The following MCPH1 variants were observed in gnomAD, a reference collection of about 807,000 sequenced individuals.
MCPH1 encodes microcephalin.
Under a neutral mutation model 84.5 loss-of-function variants are expected in MCPH1, and 104 were observed. The ratio of observed to expected loss-of-function variants is 1.23; its 90% CI spans 1.05 to 1.45. The LOEUF is 1.45. Among genes scored for constraint, MCPH1 ranks in the 40% most tolerant of loss-of-function variants. The pLI, the probability that MCPH1 is intolerant of heterozygous loss-of-function variation, is 0.00. For synonymous variants in MCPH1, 514 were observed against 366.8 expected (o/e 1.40, Z -4.58); for missense variants, 1,498 against 1,005.7 (o/e 1.49, Z -6.62).
intron 12 of MCPH1, among the ~76,000 whole-genome samples, chr8:6,619,979 G>A (rs373838548): frequency 7.2e-5 from 11 of 152,324 alleles, no homozygotes; most frequent in Admixed American, 4.6e-4. Context: ...GCTTGGCCCC[G>A]TGATGCTAGG....
chr8:6,629,447 G>A lies in MCPH1; in HGVS notation c.2452+7756G>A, dbSNP rs909461350. On this transcript the variant is annotated intron_variant, in intron 13 of 13. Transcript: ENST00000344683. The stretch of plus-strand genomic sequence containing the variant: ...ACTGCACTCCAACCTGTGCAACAGA[G>A]CAAAACCCCATCTCAAAAAAATAAA... Among the ~76,000 whole-genome samples the A allele has an allele frequency of 2.6e-5, 4 of 152,142 alleles. No individual in the cohort carries two copies. The South Asian group carries it at 8.3e-4, about 32-fold the overall frequency.
chr8:6,496,254 G>GC (rs1286969024), intron 11 of MCPH1, among the ~76,000 whole-genome samples: 2 of 152,136 alleles, frequency 1.3e-5, no homozygotes, highest in Non-Finnish European at 2.9e-5. Flanking sequence ...TCCCTCATCT[G>GC]CACAGTTCAC....
chr8:6,409,449 G>C, intron 2 of MCPH1, 79 bp downstream of exon 2: 4 of 1,239,228 alleles, frequency 3.2e-6, no homozygotes, highest in South Asian at 2.4e-5. Flanking sequence ...TTCTTATTTT[G>C]GGAGTTTTTA....
At chr8:6,522,941 G>T (rs1021379147) in intron 12 of MCPH1, among the ~76,000 whole-genome samples, 1 of 151,706 alleles carries the variant, frequency 6.6e-6, no homozygotes, top group Non-Finnish European at 1.5e-5. Context: ...TCTAACCAGC[G>T]CTATGGCATG....
intron 12 of MCPH1, chr8:6,527,569 C>T (rs1162551573): frequency 6.2e-7 from 1 of 1,613,770 alleles, no homozygotes; most frequent in Admixed American, 1.7e-5. Flanking sequence ...TCTTATCTTG[C>T]AATTTGTTTA....
chr8:6,573,364 G>A (rs1586677171), intron 12 of MCPH1, among the ~76,000 whole-genome samples: 1 of 152,108 alleles, frequency 6.6e-6, no homozygotes, highest in African/African-American at 2.4e-5. Context: ...GGCTCATGAT[G>A]TTAAAGAGGG....
At chr8:6,610,273 G>GA (rs1158813824) in intron 12 of MCPH1, among the ~76,000 whole-genome samples, 1 of 152,170 alleles carries the variant, frequency 6.6e-6, no homozygotes, top group Non-Finnish European at 1.5e-5. Flanking sequence ...AGGCGGTTTG[G>GA]AAAACACGAG....
chr8:6,474,288 A>C, intron 9 of MCPH1: 1 of 528,054 alleles, frequency 1.9e-6, no homozygotes, highest in East Asian at 3.3e-5. Flanking sequence ...CCTGATTTTG[A>C]TTCTGATATG....
chr8:6,623,352 CA>C (rs1831679223), intron 13 of MCPH1, among the ~76,000 whole-genome samples: 1 of 149,706 alleles, frequency 6.7e-6, no homozygotes, highest in African/African-American at 2.5e-5. Flanking sequence ...CTCTCTCTCT[CA>C]ATCTCTCTCT....
intron 12 of MCPH1, among the ~76,000 whole-genome samples, chr8:6,547,093 G>T (rs1472927088): frequency 6.6e-6 from 1 of 151,940 alleles, no homozygotes; most frequent in Non-Finnish European, 1.5e-5. Context: ...TTTTGGAAGT[G>T]TAGATAGGTG....
chr8:6,536,408 A>AG (rs1226357354), intron 12 of MCPH1, among the ~76,000 whole-genome samples: 1 of 75,278 alleles, frequency 1.3e-5, no homozygotes, highest in Non-Finnish European at 3.1e-5. Flanking sequence ...GCCTTTTAAG[A>AG]GCCAAAGTGA....
chr8:6,556,744 G>C (rs1420197018), intron 12 of MCPH1, among the ~76,000 whole-genome samples: 2 of 152,058 alleles, frequency 1.3e-5, no homozygotes, highest in African/African-American at 4.8e-5. Context: ...CTCCCAAGTA[G>C]CTGGGACCAC....
At chr8:6,453,623 C>T (rs1181441976) in intron 8 of MCPH1, among the ~76,000 whole-genome samples, 3 of 152,066 alleles carry the variant, frequency 2.0e-5, no homozygotes, top group Admixed American at 6.6e-5. Context: ...CACTGCTTTT[C>T]CGATTTTGAC....
intron 2 of MCPH1, among the ~76,000 whole-genome samples, chr8:6,410,890 G>C (rs1471651758): frequency 6.6e-6 from 1 of 152,080 alleles, no homozygotes; most frequent in Non-Finnish European, 1.5e-5. Context: ...AGGAGTTCGA[G>C]ACCAGCCTGG....
At chr8:6,476,364 G>A (rs1808453180) in intron 9 of MCPH1, among the ~76,000 whole-genome samples, 1 of 150,482 alleles carries the variant, frequency 6.6e-6, no homozygotes, top group African/African-American at 2.5e-5. Flanking sequence ...GGGAGATGGA[G>A]GTTGCAGTGA....
intron 3 of MCPH1, among the ~76,000 whole-genome samples, chr8:6,416,968 T>A (rs1799393159): frequency 6.6e-6 from 1 of 151,648 alleles, no homozygotes; most frequent in East Asian, 1.9e-4. Context: ...CACTTTAGCC[T>A]GGGCGACAAG....
intron 6 of MCPH1, among the ~76,000 whole-genome samples, chr8:6,441,353 C>T (rs981570371): frequency 2.0e-5 from 3 of 152,092 alleles, no homozygotes; most frequent in African/African-American, 7.2e-5. Flanking sequence ...TAAAACTTAA[C>T]TGAAAATTTT....
At chr8:6,587,020 T>C (rs1033278496) in intron 12 of MCPH1, among the ~76,000 whole-genome samples, 1 of 151,906 alleles carries the variant, frequency 6.6e-6, no homozygotes, top group African/African-American at 2.4e-5. Flanking sequence ...CACCCAGCGC[T>C]TTTCATTCGG....
chr8:6,525,027 A>T (rs886442454), intron 12 of MCPH1, among the ~76,000 whole-genome samples: 64 of 152,358 alleles, frequency 4.2e-4, no homozygotes, highest in African/African-American at 1.5e-3. Flanking sequence ...AAATGAAGGC[A>T]TTCGATTTCA....
Sources: gnomAD v4.1 joint callset for allele counts (sites outside exome capture counted in the v4.1 genomes callset) on GRCh38, gnomAD v4.1.1 for gene constraint, MANE v1.5 for transcripts, NCBI Gene and HGNC (gene_info 2026-07-23, HGNC 2026-07-21) for gene names.